NCAM2: variants seen among roughly 807,000 people sequenced by gnomAD.
NCAM2 encodes the protein N-CAM-2.
NCAM2 carries 30 observed loss-of-function variants against 98.1 expected under a neutral mutation model. The ratio of observed to expected loss-of-function variants is 0.31; its 90% CI spans 0.23 to 0.41. The LOEUF (loss-of-function observed/expected upper bound fraction) is 0.41, where lower values mean the gene tolerates loss of function less well. NCAM2 is among the 10% of genes least tolerant of loss of function. The pLI is 1.00. For missense variants in NCAM2, 867 were observed against 1,005.8 expected, an observed-to-expected ratio of 0.86 and a Z score of 1.87; for synonymous variants, 368 against 342.4, an observed-to-expected ratio of 1.07 and a Z score of -0.83.
rs1465262195 is a variant in NCAM2 at position 21,220,559 on chromosome 21, C to T, written c.56-60019C>T. Among the ~76,000 whole-genome samples, 5 of 152,226 alleles carry T rather than the reference C, an allele frequency of 3.3e-5. No individual in the cohort carries two copies. In the East Asian group the frequency reaches 7.7e-4, roughly 24 times the overall value. On this transcript the variant is annotated intron_variant, in intron 1 of 17. Transcript: ENST00000400546. ...GGACACATTTTCCAGAAGGTATCTCCATCATTAAGCAATTCATGACTGTAT... is the reference window on the plus strand; with the variant it reads ...GGACACATTTTCCAGAAGGTATCTCTATCATTAAGCAATTCATGACTGTAT...
chr21:21,401,938 A>G (rs1445662390), intron 9 of NCAM2, among the ~76,000 whole-genome samples: 1 of 152,122 alleles, frequency 6.6e-6, no homozygotes, highest in Non-Finnish European at 1.5e-5. Context: ...TCACTTCCCT[A>G]ATAATACTCA....
chr21:21,432,534 A>T (rs904614504), intron 12 of NCAM2, among the ~76,000 whole-genome samples: 1 of 151,268 alleles, frequency 6.6e-6, no homozygotes, highest in African/African-American at 2.4e-5. Context: ...ACTTTAAAAA[A>T]ATTCGTTGGT....
At chr21:21,385,767 T>C in intron 9 of NCAM2, 2 of 485,158 alleles carry the variant, frequency 4.1e-6, no homozygotes, top group Non-Finnish European at 5.4e-6. Flanking sequence ...ACATAGTATG[T>C]TTGATTACAA....
chr21:21,098,156 C>G lies in NCAM2; in HGVS notation c.55+99538C>G, dbSNP rs1486470509. On this transcript the variant is annotated intron_variant, in intron 1 of 17. Transcript: ENST00000400546. ...GGTACACATATTATATAGTTTTAAA[C>G]TATTGTTAGTTAATTATTATTGGAT... Among the ~76,000 whole-genome samples the G allele has an allele frequency of 2.7e-5, 4 of 150,006 alleles. No individual in the cohort carries two copies. The East Asian group carries it at 7.9e-4, about 30-fold the overall frequency.
intron 15 of NCAM2, among the ~76,000 whole-genome samples, chr21:21,478,137 A>G (rs17003876): frequency 0.031 from 4,770 of 152,228 alleles, 263 homozygotes; most frequent in African/African-American, 0.11. Context: ...ATTCAGATAA[A>G]TGCTCTTGAA....
intron 1 of NCAM2, among the ~76,000 whole-genome samples, chr21:21,219,211 T>C (rs1456983598): frequency 1.3e-5 from 2 of 152,218 alleles, no homozygotes; most frequent in Non-Finnish European, 2.9e-5. Flanking sequence ...GTGTATTTTA[T>C]GTGCGGCCCA....
chr21:21,434,893 T>G (rs980332711), intron 12 of NCAM2, among the ~76,000 whole-genome samples: 1 of 152,208 alleles, frequency 6.6e-6, no homozygotes, highest in Non-Finnish European at 1.5e-5. Context: ...TACCTCATGT[T>G]TCTGGTGCTG....
chr21:21,385,817 A>G (rs1305776704), intron 9 of NCAM2: 2 of 188,686 alleles, frequency 1.1e-5, no homozygotes, highest in African/African-American at 4.7e-5. Flanking sequence ...TAATCATTAC[A>G]TAGTAACTAT....
chr21:21,006,177 T>A (rs1167686617), intron 1 of NCAM2, among the ~76,000 whole-genome samples: 2 of 152,196 alleles, frequency 1.3e-5, no homozygotes, highest in South Asian at 2.1e-4. Context: ...ACACCATTGA[T>A]AAACCAGGGG....
rs550786816 is a variant in NCAM2, at chr21:21,470,189, A to C, written c.1896+1406A>C. 3.9e-5 allele frequency among the ~76,000 whole-genome samples: 6 copies of C among 152,138 alleles called. 1 individual carries two copies. In the South Asian group the frequency reaches 1.2e-3, roughly 32 times the overall value. ...TAATCAAAAATATTTCTTGAGTAGCACTGCATCTATTTAGAGCAAAGCAGA... is the reference window on the plus strand; with the variant it reads ...TAATCAAAAATATTTCTTGAGTAGCCCTGCATCTATTTAGAGCAAAGCAGA... On this transcript the variant is annotated intron_variant, in intron 14 of 17. Transcript: ENST00000400546.
chr21:21,478,066 T>G (rs1569104569), intron 15 of NCAM2, among the ~76,000 whole-genome samples: 1 of 152,192 alleles, frequency 6.6e-6, no homozygotes. Flanking sequence ...GTGCTTACAT[T>G]GTTACATCTT....
intron 9 of NCAM2, among the ~76,000 whole-genome samples, chr21:21,394,328 G>A (rs769640628): frequency 1.3e-5 from 2 of 151,812 alleles, no homozygotes; most frequent in Non-Finnish European, 2.9e-5. Flanking sequence ...TGTGCCAAAA[G>A]ATATATTAGT....
At chr21:21,151,321 G>T (rs1243571475) in intron 1 of NCAM2, among the ~76,000 whole-genome samples, 1 of 152,008 alleles carries the variant, frequency 6.6e-6, no homozygotes, top group Non-Finnish European at 1.5e-5. Flanking sequence ...TGCACAACGT[G>T]CATGTTTGTT....
At chr21:21,313,758 A>C (rs4816852) in intron 5 of NCAM2, among the ~76,000 whole-genome samples, 2 of 151,642 alleles carry the variant, frequency 1.3e-5, no homozygotes, top group Admixed American at 6.6e-5. Flanking sequence ...TCATTCTTCT[A>C]TTTTCCCTGC....
chr21:21,473,001 TAC>T (rs35267595), intron 14 of NCAM2, among the ~76,000 whole-genome samples: 51 of 149,492 alleles, frequency 3.4e-4, no homozygotes, highest in East Asian at 5.9e-4. Flanking sequence ...CACGCACACA[TAC>T]ACACACACAC....
At chr21:21,454,065 AC>A (rs1260070747) in intron 12 of NCAM2, among the ~76,000 whole-genome samples, 1 of 152,048 alleles carries the variant, frequency 6.6e-6, no homozygotes, top group East Asian at 1.9e-4. Context: ...AATTGATCTA[AC>A]TTTGTAGAAA....
intron 11 of NCAM2, among the ~76,000 whole-genome samples, chr21:21,429,051 A>G (rs2077273528): frequency 6.6e-6 from 1 of 152,220 alleles, no homozygotes. Flanking sequence ...ACCAAAATGT[A>G]AAAAATATTT....
chr21:21,257,676 G>A (rs62209212), intron 1 of NCAM2, among the ~76,000 whole-genome samples: 3,511 of 152,074 alleles, frequency 0.023, 61 homozygotes, highest in Admixed American at 0.044. Context: ...TCTGCCTCCC[G>A]GGTTGAAGCA....
chr21:21,388,715 A>G (rs187373618), intron 9 of NCAM2, among the ~76,000 whole-genome samples: 28 of 152,342 alleles, frequency 1.8e-4, no homozygotes, highest in Non-Finnish European at 1.6e-4. Flanking sequence ...ACTTTTAAGT[A>G]GTTTTGGAAC....
Sources: allele counts gnomAD v4.1 joint callset (sites outside exome capture counted in the v4.1 genomes callset), GRCh38; gene constraint gnomAD v4.1.1; transcripts MANE v1.5; gene names NCBI Gene and HGNC (gene_info 2026-07-23, HGNC 2026-07-21).